The following TPTE2 variants were observed in gnomAD, a reference collection of about 807,000 sequenced individuals.
The protein encoded by TPTE2 is transmembrane phosphoinositide 3-phosphatase and tensin homolog 2, also known as phosphatidylinositol 3,4,5-trisphosphate 3-phosphatase TPTE2.
Under a neutral mutation model 78.6 loss-of-function variants are expected in TPTE2, and 53 were observed. The ratio of observed to expected loss-of-function variants is 0.67; its 90% CI spans 0.54 to 0.85. The LOEUF (loss-of-function observed/expected upper bound fraction) is 0.85, where lower values mean the gene tolerates loss of function less well. Ranked by LOEUF, TPTE2 falls within the 40% of genes least tolerant of loss-of-function variation. The pLI, the probability that TPTE2 is intolerant of heterozygous loss-of-function variation, is 0.00. For synonymous variants in TPTE2, 175 were observed against 206.2 expected, an observed-to-expected ratio of 0.85 and a Z score of 1.30; for missense variants, 461 against 623.0, an observed-to-expected ratio of 0.74 and a Z score of 2.77.
intron 1 of TPTE2, among the ~76,000 whole-genome samples, chr13:19,524,843 GAAGC>G: frequency 6.6e-6 from 1 of 152,260 alleles, no homozygotes; most frequent in South Asian, 2.1e-4. Flanking sequence ...CAAATACATG[GAAGC>G]ACTGAATAGC....
the TPTE2 span, among the ~76,000 whole-genome samples, chr13:19,546,488 T>C: frequency 1.6e-5 from 2 of 127,642 alleles, no homozygotes; most frequent in Non-Finnish European, 3.3e-5. Context: ...TTTTTCTTTT[T>C]TTTTTTTTTT....
the TPTE2 span, among the ~76,000 whole-genome samples, chr13:19,542,522 TC>T: frequency 6.6e-6 from 1 of 152,342 alleles, no homozygotes; most frequent in Middle Eastern, 3.4e-3. Context: ...TCATTGTATT[TC>T]CCTTTAAGAT....
chr13:19,433,276 G>T (rs1224145636), intron 15 of TPTE2, among the ~76,000 whole-genome samples: 1 of 152,112 alleles, frequency 6.6e-6, no homozygotes, highest in Non-Finnish European at 1.5e-5. Flanking sequence ...GGCCGAGGTG[G>T]GCAGATCACT....
chr13:19,541,683 T>A (rs947712922), upstream of TPTE2, among the ~76,000 whole-genome samples: 1 of 152,122 alleles, frequency 6.6e-6, no homozygotes, highest in Non-Finnish European at 1.5e-5. Context: ...TTTACCAAAC[T>A]TTTTTTTCTG....
intron 4 of TPTE2, among the ~76,000 whole-genome samples, chr13:19,479,641 A>G (rs563139586): frequency 1.3e-5 from 2 of 152,320 alleles, no homozygotes; most frequent in African/African-American, 4.8e-5. Flanking sequence ...ACATGTGACA[A>G]AAACTAAATT....
chr13:19,457,915 C>T (rs1476176957), intron 10 of TPTE2, among the ~76,000 whole-genome samples: 4 of 152,148 alleles, frequency 2.6e-5, no homozygotes, highest in Admixed American at 6.5e-5. Context: ...GAAGACATTG[C>T]TACCTTATCT....
rs1253422613 is a variant in TPTE2 at position 19,468,220 on chromosome 13, T to C, written c.393-876A>G. ...CACACCCAGCTAATTTTTGTATTTT[T>C]AGTAGAGATGGGGTTTCTCCATGTT... On this transcript the variant is annotated intron_variant, in intron 6 of 19. Coordinates refer to ENST00000400230, the Ensembl canonical transcript of TPTE2. Among the ~76,000 whole-genome samples the C allele has an allele frequency of 2.6e-5, 4 of 151,610 alleles. No homozygotes were observed. In the East Asian group the frequency reaches 7.8e-4, roughly 30 times the overall value.
intron 1 of TPTE2, among the ~76,000 whole-genome samples, chr13:19,518,714 C>A (rs1466684748): frequency 6.6e-6 from 1 of 152,186 alleles, no homozygotes; most frequent in Non-Finnish European, 1.5e-5. Context: ...ATTAGGTCTT[C>A]CAGTTCCCAC....
chr13:19,550,244 A>C, the TPTE2 span, among the ~76,000 whole-genome samples: 50 of 152,324 alleles, frequency 3.3e-4, no homozygotes, highest in African/African-American at 1.0e-3. Flanking sequence ...AAAAGTGAAA[A>C]TTTAACTATT....
chr13:19,490,072 A>G (rs1880913062), intron 3 of TPTE2, among the ~76,000 whole-genome samples: 1 of 152,298 alleles, frequency 6.6e-6, no homozygotes, highest in South Asian at 2.1e-4. Context: ...TTCCTAGAAG[A>G]AAAGCTTATA....
chr13:19,459,876 A>G (rs1372542269), intron 10 of TPTE2, among the ~76,000 whole-genome samples: 2 of 152,138 alleles, frequency 1.3e-5, no homozygotes, highest in African/African-American at 4.8e-5. Context: ...AACCACAGTG[A>G]TGCTGGCTGC....
intron 1 of TPTE2, among the ~76,000 whole-genome samples, chr13:19,518,060 CTA>C (rs1869915508): frequency 6.6e-6 from 1 of 152,086 alleles, no homozygotes; most frequent in Non-Finnish European, 1.5e-5. Context: ...CTCTGAATAA[CTA>C]TGTTTGTTTA....
intron 13 of TPTE2, among the ~76,000 whole-genome samples, chr13:19,449,451 A>G (rs1277655473): frequency 6.6e-6 from 1 of 152,128 alleles, no homozygotes; most frequent in Non-Finnish European, 1.5e-5. Flanking sequence ...TGAGATGTTG[A>G]TTAAAGGATG....
At position 19,535,119 on chromosome 13, in the gene TPTE2, A is replaced by G. The variant is rs533805243; in HGVS notation, c.-44+1477T>C. ...CTCAGGAGGCTGAGGCAGGAGAATC[A>G]CTGGAACCCAGGAGGCGGAGGTTGC... On this transcript the variant is annotated intron_variant, in intron 1 of 17. Transcript: ENST00000390680. This position sits in a 1 kb window ranked among gnomAD's most constrained non-coding sequence, Gnocchi z 5.1. Among the ~76,000 whole-genome samples the G allele has an allele frequency of 4.9e-3, 748 of 152,122 alleles. 9 individuals carry two copies. Among genetic ancestry groups the G allele is most frequent in the African/African-American group, 0.017 (723 of 41,498 alleles).
chr13:19,491,798 T>C (rs1417821893), intron 3 of TPTE2, among the ~76,000 whole-genome samples: 1 of 152,144 alleles, frequency 6.6e-6, no homozygotes, highest in Non-Finnish European at 1.5e-5. Context: ...GCACTCCAGC[T>C]TGGGCAACAG....
chr13:19,550,720 C>T, the TPTE2 span, among the ~76,000 whole-genome samples: 1 of 152,160 alleles, frequency 6.6e-6, no homozygotes, highest in African/African-American at 2.4e-5. Flanking sequence ...AACCACTATG[C>T]TTCACTGACT....
At chr13:19,466,210 G>A (rs1295099992) in intron 7 of TPTE2, among the ~76,000 whole-genome samples, 9 of 152,182 alleles carry the variant, frequency 5.9e-5, no homozygotes, top group Non-Finnish European at 1.5e-5. Context: ...AGCTTGTTAA[G>A]CTGCAGATTG....
intron 3 of TPTE2, among the ~76,000 whole-genome samples, chr13:19,483,634 T>G (rs1435773465): frequency 1.3e-5 from 2 of 152,204 alleles, no homozygotes; most frequent in African/African-American, 4.8e-5. Flanking sequence ...TCTGTTTATT[T>G]CTGTTTGGTC....
At chr13:19,511,269 A>G (rs556518745) in intron 1 of TPTE2, among the ~76,000 whole-genome samples, 2 of 152,218 alleles carry the variant, frequency 1.3e-5, no homozygotes, top group Non-Finnish European at 2.9e-5. Context: ...AAAAGCAACA[A>G]CAAAAGGTAT....
Sources: gnomAD v4.1 joint callset for allele counts (sites outside exome capture counted in the v4.1 genomes callset) on GRCh38, gnomAD v4.1.1 for gene constraint, Gnocchi (gnomAD v3.1) non-coding constraint, MANE v1.5 for transcripts, NCBI Gene and HGNC (gene_info 2026-07-23, HGNC 2026-07-21) for gene names.